ARB2A: variants seen among roughly 807,000 people sequenced by gnomAD.
ARB2A encodes the protein ARB2 cotranscriptional regulator A.
At chr5:94,090,679 A>G in the ARB2A span, among the ~76,000 whole-genome samples, 2 of 152,222 alleles carry the variant, frequency 1.3e-5, no homozygotes, top group East Asian at 3.9e-4. Flanking sequence ...AATAACTCTT[A>G]TTATTTTGAG....
the ARB2A span, among the ~76,000 whole-genome samples, chr5:93,826,402 T>C: frequency 6.6e-6 from 1 of 152,174 alleles, no homozygotes; most frequent in South Asian, 2.1e-4. Context: ...TAGTTCTCTC[T>C]ATGTCTATCT....
the ARB2A span, chr5:93,741,196 A>G: frequency 2.5e-6 from 4 of 1,613,806 alleles, no homozygotes; most frequent in Non-Finnish European, 3.4e-6. Context: ...CAACTCTTTC[A>G]GTATGCCCGA....
At chr5:93,941,297 AAAGG>A in the ARB2A span, among the ~76,000 whole-genome samples, 1 of 152,122 alleles carries the variant, frequency 6.6e-6, no homozygotes, top group East Asian at 1.9e-4. Flanking sequence ...TCAGCTGATT[AAAGG>A]AAGGACCACA....
the ARB2A span, among the ~76,000 whole-genome samples, chr5:93,715,745 A>T: frequency 5.9e-5 from 9 of 151,862 alleles, no homozygotes; most frequent in African/African-American, 1.7e-4. Context: ...ATTTCCTAAG[A>T]TGTCCACTTC....
At chr5:93,859,323 A>G in the ARB2A span, among the ~76,000 whole-genome samples, 1 of 152,122 alleles carries the variant, frequency 6.6e-6, no homozygotes, top group South Asian at 2.1e-4. Context: ...CAATACGGGA[A>G]AAAAGGAAAT....
the ARB2A span, among the ~76,000 whole-genome samples, chr5:93,764,813 G>T: frequency 6.6e-6 from 1 of 152,292 alleles, no homozygotes; most frequent in East Asian, 1.9e-4. Flanking sequence ...CTGGCAAAAT[G>T]AATCCAGCAG....
chr5:93,757,090 G>A, the ARB2A span, among the ~76,000 whole-genome samples: 641 of 152,258 alleles, frequency 4.2e-3, 16 homozygotes, highest in Non-Finnish European at 1.2e-3. Flanking sequence ...GCTCTGGAAA[G>A]TCTCAGCGAT....
the ARB2A span, among the ~76,000 whole-genome samples, chr5:93,974,282 G>A: frequency 6.6e-6 from 1 of 152,146 alleles, no homozygotes; most frequent in Admixed American, 6.5e-5. Flanking sequence ...TATAGAGAAA[G>A]ATCTATCATG....
the ARB2A span, among the ~76,000 whole-genome samples, chr5:93,875,721 T>C: frequency 2.6e-5 from 4 of 152,116 alleles, no homozygotes; most frequent in Non-Finnish European, 4.4e-5. Context: ...TTTACAATAA[T>C]ACATTTTTAT....
the ARB2A span, among the ~76,000 whole-genome samples, chr5:93,730,969 G>T: frequency 1.3e-5 from 2 of 152,066 alleles, no homozygotes; most frequent in African/African-American, 2.4e-5. Flanking sequence ...ACCCTAGAAT[G>T]GTGGTATTAT....
chr5:93,782,054 T>A, the ARB2A span: 1 of 336,640 alleles, frequency 3.0e-6, no homozygotes. Context: ...TGTAATCTTC[T>A]CTACAAGAGG....
chr5:94,013,176 T>G, the ARB2A span, among the ~76,000 whole-genome samples: 12 of 148,684 alleles, frequency 8.1e-5, no homozygotes, highest in Admixed American at 2.7e-4. Context: ...GTAAGTTGTT[T>G]TTTTTTTTTT....
the ARB2A span, among the ~76,000 whole-genome samples, chr5:93,779,152 T>C: frequency 2.0e-5 from 3 of 151,218 alleles, no homozygotes; most frequent in South Asian, 2.1e-4. Flanking sequence ...TGCAGGGGCA[T>C]GTGGCATTTT....
At chr5:93,711,697 G>A in the ARB2A span, among the ~76,000 whole-genome samples, 1 of 152,254 alleles carries the variant, frequency 6.6e-6, no homozygotes, top group Non-Finnish European at 1.5e-5. Flanking sequence ...TTACAGGTAA[G>A]GACAGTGGCA....
At chr5:93,970,264 T>C in the ARB2A span, among the ~76,000 whole-genome samples, 1 of 152,050 alleles carries the variant, frequency 6.6e-6, no homozygotes, top group East Asian at 1.9e-4. Context: ...AGATGACACG[T>C]AAATGCTAAG....
At chr5:93,651,646 C>A in the ARB2A span, among the ~76,000 whole-genome samples, 26 of 152,070 alleles carry the variant, frequency 1.7e-4, no homozygotes, top group Admixed American at 1.7e-3. Flanking sequence ...AAATGATAAA[C>A]ATGAGTATAA....
the ARB2A span, chr5:93,738,014 T>A: frequency 5.0e-6 from 2 of 402,838 alleles, no homozygotes; most frequent in South Asian, 3.7e-5. Context: ...AAAGATACAG[T>A]CAAAAGAGTA....
At chr5:93,878,664 T>C in the ARB2A span, among the ~76,000 whole-genome samples, 1 of 152,034 alleles carries the variant, frequency 6.6e-6, no homozygotes, top group Non-Finnish European at 1.5e-5. Context: ...CTTACATTTA[T>C]ACATATAAAT....
chr5:93,731,231 C>T, the ARB2A span, among the ~76,000 whole-genome samples: 4 of 152,110 alleles, frequency 2.6e-5, no homozygotes, highest in African/African-American at 9.7e-5. Context: ...GAGATAGGAT[C>T]TTTACTGAGG....
Sources: gnomAD v4.1 joint callset for allele counts (sites outside exome capture counted in the v4.1 genomes callset) on GRCh38, gnomAD v4.1.1 for gene constraint, MANE v1.5 for transcripts, NCBI Gene and HGNC (gene_info 2026-07-23, HGNC 2026-07-21) for gene names.